The following SLC24A3 variants were observed in gnomAD, a reference collection of about 807,000 sequenced individuals.
SLC24A3 encodes the protein sodium/potassium/calcium exchanger 3.
In SLC24A3, 28 loss-of-function variants were observed where a neutral mutation model predicts 75.8. The ratio of observed to expected loss-of-function variants is 0.37; its 90% CI spans 0.27 to 0.51. SLC24A3 has a LOEUF of 0.51. Ranked by LOEUF, SLC24A3 falls within the 20% of genes least tolerant of loss-of-function variation. The probability of loss-of-function intolerance (pLI) is 0.94; values close to 1 mark genes in which losing one functional copy is unlikely to be tolerated. For synonymous variants in SLC24A3, 372 were observed against 334.1 expected, an observed-to-expected ratio of 1.11 and a Z score of -1.24; for missense variants, 663 against 847.8, an observed-to-expected ratio of 0.78 and a Z score of 2.71.
chr20:19,372,049 G>A (rs1225654274), intron 2 of SLC24A3, among the ~76,000 whole-genome samples: 1 of 152,160 alleles, frequency 6.6e-6, no homozygotes. Context: ...TGCCTTGGAA[G>A]GGATGTGTAG....
chr20:19,649,194 A>T (rs1315996078), intron 6 of SLC24A3, among the ~76,000 whole-genome samples: 1 of 152,192 alleles, frequency 6.6e-6, no homozygotes, highest in Non-Finnish European at 1.5e-5. Context: ...AGATGCTAAC[A>T]CGCCCCCTCT....
intron 2 of SLC24A3, among the ~76,000 whole-genome samples, chr20:19,284,993 T>C (rs542643781): frequency 4.2e-4 from 64 of 152,268 alleles, no homozygotes; most frequent in African/African-American, 1.5e-3. Flanking sequence ...CAGAATTCCA[T>C]GCCATACCTC....
intron 2 of SLC24A3, among the ~76,000 whole-genome samples, chr20:19,393,659 A>G (rs1482478451): frequency 6.6e-6 from 1 of 152,192 alleles, no homozygotes; most frequent in African/African-American, 2.4e-5. Flanking sequence ...GGAGGAAGGC[A>G]AGAGATTTGT....
At chr20:19,597,934 C>A (rs1600296481) in intron 6 of SLC24A3, among the ~76,000 whole-genome samples, 1 of 152,304 alleles carries the variant, frequency 6.6e-6, no homozygotes, top group Middle Eastern at 3.4e-3. Context: ...ATAGTATTCC[C>A]TTGAATGTAT....
intron 2 of SLC24A3, among the ~76,000 whole-genome samples, chr20:19,501,966 T>C (rs1362536518): frequency 6.6e-6 from 1 of 151,924 alleles, no homozygotes. Flanking sequence ...AAGGGCAAGT[T>C]TGGGGAATCT....
chr20:19,235,749 G>A (rs1237490911), intron 1 of SLC24A3, among the ~76,000 whole-genome samples: 1 of 152,136 alleles, frequency 6.6e-6, no homozygotes. Context: ...ATGCTGGCAG[G>A]TGCATCCCCT....
At position 19,685,318 on chromosome 20, in the gene SLC24A3, C is replaced by G; in HGVS notation, c.1281C>G (p.Asp427Glu). 6.2e-7 allele frequency: 1 copy of G among 1,614,060 alleles called. No homozygotes were observed. The highest frequency in any genetic ancestry group is 1.1e-5 in the South Asian group (1 of 91,074). ...AGAATGATGAGGAGGAAGAGGAGGA[C>G]GAGGATGATGATGAAGGACCGTACA... Reference protein sequence around the residue: ...DNENDEEEEEDEDDDEGPYTP... With the variant: ...DNENDEEEEEEEDDDEGPYTP... The change falls in exon 12 of 17, where the codon GAC (aspartate) becomes GAG (glutamate). Residue 427 changes from aspartate (D) to glutamate (E), a missense_variant. Coordinates refer to ENST00000328041, the MANE Select transcript of SLC24A3 (RefSeq NM_020689.4).
Position 19,585,470 on chromosome 20 carries a change from G to C in SLC24A3, c.538G>C (p.Val180Leu). ...GVFITKGDVG[V>L]GTIVGSAVFN... ...CTTCATCACCAAAGGCGATGTGGGAGTTGGCACCATCGTGGGCTCAGCGGT... is the reference window on the plus strand; with the variant it reads ...CTTCATCACCAAAGGCGATGTGGGACTTGGCACCATCGTGGGCTCAGCGGT... The change falls in exon 6 of 17, where the codon GTT becomes CTT. Residue 180 changes from valine (V) to leucine (L), a missense_variant. Val to Leu is a conservative substitution (Grantham distance 32). Coordinates refer to ENST00000328041, the MANE Select transcript of SLC24A3 (RefSeq NM_020689.4). The C allele has an allele frequency of 6.2e-7, 1 of 1,614,194 alleles. No homozygotes were observed. The highest frequency in any genetic ancestry group is 8.5e-7 in the Non-Finnish European group (1 of 1,180,036).
intron 2 of SLC24A3, 64 bp downstream of exon 2, chr20:19,281,151 C>T: frequency 6.3e-7 from 1 of 1,588,066 alleles, no homozygotes; most frequent in South Asian, 1.1e-5. Flanking sequence ...TGAGGAAGAG[C>T]CAGCTGCTGT....
At chr20:19,291,099 A>C (rs927878767) in intron 2 of SLC24A3, among the ~76,000 whole-genome samples, 13 of 152,172 alleles carry the variant, frequency 8.5e-5, no homozygotes, top group African/African-American at 2.7e-4. Context: ...TGCCACTCCC[A>C]CCCACTCAGA....
At chr20:19,467,388 T>C (rs1987784769) in intron 2 of SLC24A3, among the ~76,000 whole-genome samples, 1 of 152,214 alleles carries the variant, frequency 6.6e-6, no homozygotes, top group Non-Finnish European at 1.5e-5. Flanking sequence ...GAAGACTGGG[T>C]TGTACATATA....
intron 6 of SLC24A3, among the ~76,000 whole-genome samples, chr20:19,601,908 C>T (rs2031531911): frequency 6.6e-6 from 1 of 152,226 alleles, no homozygotes; most frequent in Non-Finnish European, 1.5e-5. Context: ...CACGGTGGCT[C>T]ACGCCTGTAA....
intron 9 of SLC24A3, among the ~76,000 whole-genome samples, chr20:19,680,074 G>A (rs891403920): frequency 6.6e-6 from 1 of 150,618 alleles, no homozygotes; most frequent in South Asian, 2.1e-4. Context: ...GTGTGTCTGT[G>A]TGTGTGTCTG....
chr20:19,225,639 T>G (rs1037493616), intron 1 of SLC24A3, among the ~76,000 whole-genome samples: 4 of 152,198 alleles, frequency 2.6e-5, no homozygotes, highest in Non-Finnish European at 5.9e-5. Context: ...GTGTTTTCTG[T>G]TACTATAGTT....
At chr20:19,291,829 A>T (rs1983949095) in intron 2 of SLC24A3, among the ~76,000 whole-genome samples, 1 of 152,186 alleles carries the variant, frequency 6.6e-6, no homozygotes, top group Non-Finnish European at 1.5e-5. Context: ...TATGAAAAAA[A>T]GAAAAAAGGC....
intron 2 of SLC24A3, among the ~76,000 whole-genome samples, chr20:19,283,479 A>G (rs1329638565): frequency 6.6e-6 from 1 of 152,238 alleles, no homozygotes; most frequent in Non-Finnish European, 1.5e-5. Flanking sequence ...TGGATCACAG[A>G]TGACAGCACA....
intron 2 of SLC24A3, among the ~76,000 whole-genome samples, chr20:19,452,226 A>AT (rs2122483503): frequency 6.6e-6 from 1 of 152,342 alleles, no homozygotes; most frequent in Non-Finnish European, 1.5e-5. Flanking sequence ...CAGGGCTAGA[A>AT]TTTACCAAGG....
intron 2 of SLC24A3, among the ~76,000 whole-genome samples, chr20:19,317,737 T>C (rs1207058990): frequency 6.6e-6 from 1 of 152,202 alleles, no homozygotes; most frequent in Non-Finnish European, 1.5e-5. Flanking sequence ...GCCAGGGAAA[T>C]AGAATTGCTT....
intron 1 of SLC24A3, among the ~76,000 whole-genome samples, chr20:19,271,989 A>T (rs1287985662): frequency 6.6e-6 from 1 of 152,256 alleles, no homozygotes. Context: ...AAAAATTTTT[A>T]AAAAGAGGAC....
Sources: gnomAD v4.1 joint callset for allele counts (sites outside exome capture counted in the v4.1 genomes callset) on GRCh38, gnomAD v4.1.1 for gene constraint, MANE v1.5 for transcripts, NCBI Gene and HGNC (gene_info 2026-07-23, HGNC 2026-07-21) for gene names.